Variants in TPRG1 observed in about 807,000 individuals in gnomAD.
TPRG1 encodes the protein tumor protein p63-regulated gene 1 protein.
TPRG1 carries 29 observed loss-of-function variants against 29.3 expected under a neutral mutation model. That is an observed-to-expected ratio of 0.99 (90% CI 0.74 to 1.35). The LOEUF is 1.35. Among genes scored for constraint, TPRG1 ranks in the 40% most tolerant of loss-of-function variants. TPRG1 has a pLI of 0.00. For missense variants in TPRG1, 327 were observed against 335.0 expected (o/e 0.98, Z 0.19); for synonymous variants, 130 against 116.8 (o/e 1.11, Z -0.73).
At chr3:189,023,971 C>A (rs573225734) in intron 4 of TPRG1, 3 of 152,326 alleles carry the variant, frequency 2.0e-5, no homozygotes, top group Non-Finnish European at 4.4e-5. Flanking sequence ...TCAGGAGGAA[C>A]GGGATCAGAG....
upstream of TPRG1, among the ~76,000 whole-genome samples, chr3:189,168,782 T>C (rs1728458405): frequency 2.0e-5 from 3 of 152,068 alleles, no homozygotes; most frequent in African/African-American, 7.3e-5. Flanking sequence ...ATCTGGGGAG[T>C]TGGGATATGG....
chr3:189,312,107 T>TCTCTCTCTCTC lies in TPRG1; in HGVS notation c.633+1568_633+1569insCTCTCTCTCTC, dbSNP rs1560688827. Among the ~76,000 whole-genome samples, 2 of 73,768 alleles carry TCTCTCTCTCTC rather than the reference T, an allele frequency of 2.7e-5. 1 individual carries two copies. Among genetic ancestry groups the TCTCTCTCTCTC allele is most frequent in the Non-Finnish European group, 5.8e-5 (2 of 34,364 alleles). 48.4% of individuals were successfully genotyped at this position (73,768 alleles called of 152,430 possible). ...TTTCTTTCTTTCTTTGTTTCTTTGTTTCTTTCTTTGTTTCTTTCTTTCTTT... is the reference window on the plus strand; with the variant it reads ...TTTCTTTCTTTCTTTGTTTCTTTGTTCTCTCTCTCTCTCTTTCTTTGTTTCTTTCTTTCTTT... On this transcript the variant is annotated intron_variant, in intron 5 of 5. Transcript: ENST00000345063.
chr3:189,210,971 G>A (rs561482057), intron 2 of TPRG1, among the ~76,000 whole-genome samples: 1 of 152,274 alleles, frequency 6.6e-6, no homozygotes, highest in Admixed American at 6.5e-5. Context: ...TATTGCACAG[G>A]AGGTGGTTTA....
intron 1 of TPRG1, among the ~76,000 whole-genome samples, chr3:189,184,680 T>C (rs994646826): frequency 2.6e-5 from 4 of 152,210 alleles, no homozygotes; most frequent in Admixed American, 6.5e-5. Context: ...GTTGTCCTCA[T>C]TAAAATCTTC....
chr3:189,259,322 C>A (rs1712539356), intron 4 of TPRG1, among the ~76,000 whole-genome samples: 1 of 151,842 alleles, frequency 6.6e-6, no homozygotes, highest in Non-Finnish European at 1.5e-5. Flanking sequence ...CCTCTGTGGG[C>A]TGTACCCACT....
intron 4 of TPRG1, among the ~76,000 whole-genome samples, chr3:189,078,091 C>CTT (rs1405506196): frequency 3.8e-4 from 32 of 85,158 alleles, no homozygotes; most frequent in African/African-American, 1.1e-3. Flanking sequence ...CTCTCTTTCT[C>CTT]TCTTTCTTTC....
At chr3:189,269,786 A>G (rs1163182668) in intron 4 of TPRG1, among the ~76,000 whole-genome samples, 1 of 152,234 alleles carries the variant, frequency 6.6e-6, no homozygotes, top group Non-Finnish European at 1.5e-5. Context: ...CAAGAATTCC[A>G]TGGCAAAGCT....
chr3:189,229,516 T>C (rs912490438), intron 3 of TPRG1, among the ~76,000 whole-genome samples: 6 of 152,220 alleles, frequency 3.9e-5, no homozygotes, highest in African/African-American at 1.4e-4. Context: ...GATACAGAGA[T>C]ACTGCAGTTA....
At chr3:189,018,735 A>G (rs1272745956) in intron 3 of TPRG1, among the ~76,000 whole-genome samples, 1 of 151,572 alleles carries the variant, frequency 6.6e-6, no homozygotes, top group Non-Finnish European at 1.5e-5. Flanking sequence ...GTTCCATATG[A>G]ACTTTAAAGT....
chr3:189,168,478 C>T (rs1417142066), upstream of TPRG1, among the ~76,000 whole-genome samples: 1 of 152,130 alleles, frequency 6.6e-6, no homozygotes, highest in African/African-American at 2.4e-5. Context: ...ACCCATCCGT[C>T]AAAGTAGGTA....
chr3:189,149,578 C>T (rs1354386498), intron 4 of TPRG1, among the ~76,000 whole-genome samples: 4 of 152,328 alleles, frequency 2.6e-5, no homozygotes, highest in Admixed American at 2.0e-4. Context: ...TTTCAGCCAA[C>T]GTGGTTATCT....
At chr3:189,281,398 A>C (rs560228980) in intron 4 of TPRG1, among the ~76,000 whole-genome samples, 3 of 152,318 alleles carry the variant, frequency 2.0e-5, no homozygotes, top group African/African-American at 7.2e-5. Flanking sequence ...AACTTCGTAC[A>C]CCTTTAGCCA....
chr3:189,093,933 A>G (rs1406285267), intron 4 of TPRG1, among the ~76,000 whole-genome samples: 1 of 152,090 alleles, frequency 6.6e-6, no homozygotes, highest in African/African-American at 2.4e-5. Context: ...AAGCAGCCCA[A>G]CAGAAAAGGG....
rs893457576 is a variant in TPRG1, at chr3:189,072,003, T to C, written c.-463+48057T>C. Among the ~76,000 whole-genome samples, 3 of 152,206 alleles carry C rather than the reference T, an allele frequency of 2.0e-5. No individual in the cohort carries two copies. In the East Asian group the frequency reaches 5.8e-4, roughly 29 times the overall value. On this transcript the variant is annotated intron_variant, in intron 4 of 10. Transcript: ENST00000433971. ...GACAGTAAAGCTAAGCCTCATTTAG[T>C]TGAGAAGTAGTAATCAGGGAATGTG... is the stretch of plus-strand genomic sequence containing the variant.
intron 3 of TPRG1, chr3:189,217,996 C>T (rs781075993): frequency 7.0e-5 from 69 of 985,250 alleles, no homozygotes; most frequent in Non-Finnish European, 8.2e-5. Context: ...ACATGCAGGC[C>T]CAGAAAGGTA....
At chr3:189,066,903 T>C (rs60083643) in intron 4 of TPRG1, among the ~76,000 whole-genome samples, 3,158 of 152,158 alleles carry the variant, frequency 0.021, 119 homozygotes, top group African/African-American at 0.071. Context: ...GATGATACAA[T>C]CTATCATTTG....
chr3:189,068,298 A>G (rs1010699682), intron 4 of TPRG1, among the ~76,000 whole-genome samples: 35 of 152,358 alleles, frequency 2.3e-4, no homozygotes, highest in South Asian at 4.1e-4. Context: ...TGATTCAGCA[A>G]TGCCACTGCT....
At position 189,296,195 on chromosome 3, in the gene TPRG1, T is replaced by C. The variant is rs556640538; in HGVS notation, c.480-14191T>C. Among the ~76,000 whole-genome samples, 12 of 152,356 alleles carry C rather than the reference T, an allele frequency of 7.9e-5. No homozygotes were observed. In the East Asian group the frequency reaches 2.3e-3, roughly 29 times the overall value. On this transcript the variant is annotated intron_variant, in intron 4 of 5. Coordinates refer to ENST00000345063, the MANE Select transcript of TPRG1 (RefSeq NM_198485.4). ...TGCCTCACAATTTCTGATCAAAATC[T>C]TCTTTGTGAAAGATCAGGTGCCAAA...
At chr3:189,181,936 A>G (rs1730282633) in intron 1 of TPRG1, among the ~76,000 whole-genome samples, 1 of 152,186 alleles carries the variant, frequency 6.6e-6, no homozygotes, top group Non-Finnish European at 1.5e-5. Context: ...TCATGGTGGA[A>G]GGCAAGGAGG....
Sources: allele counts gnomAD v4.1 joint callset (sites outside exome capture counted in the v4.1 genomes callset), GRCh38; gene constraint gnomAD v4.1.1; transcripts MANE v1.5; gene names NCBI Gene and HGNC (gene_info 2026-07-23, HGNC 2026-07-21).